Variants in NFIA observed in about 807,000 individuals in gnomAD.
NFIA encodes the protein nuclear factor I A, also known as nuclear factor 1 A-type.
In NFIA, 8 loss-of-function variants were observed where a neutral mutation model predicts 62.8. That is an observed-to-expected ratio of 0.13 (90% CI 0.07 to 0.23). The LOEUF (loss-of-function observed/expected upper bound fraction) is 0.23. Among genes scored for constraint, NFIA ranks in the 10% least tolerant of loss-of-function variants. NFIA has a pLI of 1.00. For missense variants in NFIA, 410 were observed against 642.1 expected, an observed-to-expected ratio of 0.64 and a Z score of 3.91; for synonymous variants, 235 against 238.1, an observed-to-expected ratio of 0.99 and a Z score of 0.12.
intron 3 of NFIA, among the ~76,000 whole-genome samples, chr1:61,328,104 A>T (rs1164449676): frequency 2.0e-5 from 3 of 148,236 alleles, no homozygotes; most frequent in African/African-American, 7.5e-5. Context: ...TTTTGCTGGG[A>T]TTTTTTTTTT....
chr1:61,283,360 C>T (rs1235451527), intron 3 of NFIA, among the ~76,000 whole-genome samples: 1 of 149,880 alleles, frequency 6.7e-6, no homozygotes, highest in African/African-American at 2.5e-5. Context: ...CACTTGAGGT[C>T]AGGAGTTCAA....
intron 2 of NFIA, among the ~76,000 whole-genome samples, chr1:61,155,028 T>C (rs1209729821): frequency 2.0e-5 from 3 of 152,282 alleles, no homozygotes; most frequent in Middle Eastern, 3.4e-3. Context: ...CACCTTGGAG[T>C]GGTTCCTTAA....
intron 2 of NFIA, among the ~76,000 whole-genome samples, chr1:61,100,466 C>T (rs1037389254): frequency 3.9e-5 from 6 of 152,150 alleles, no homozygotes; most frequent in African/African-American, 1.4e-4. Context: ...TACCTTGAGA[C>T]AAGTCAGTGC....
chr1:61,263,795 G>C lies in NFIA; in HGVS notation c.560-13725G>C, dbSNP rs558551491. Among the ~76,000 whole-genome samples the C allele has an allele frequency of 3.1e-3, 476 of 152,230 alleles. 1 individual carries two copies. Among genetic ancestry groups the C allele is most frequent in the Non-Finnish European group, 5.1e-3 (344 of 68,030 alleles). Reference sequence around the variant, plus strand: ...GGATCACTTGAGGCCAGGAAGTCAAGACAAGCCTGGCCAACGTAGCCCTGT... The same window carrying C: ...GGATCACTTGAGGCCAGGAAGTCAACACAAGCCTGGCCAACGTAGCCCTGT... On this transcript the variant is annotated intron_variant, in intron 2 of 10. Coordinates refer to ENST00000403491, the MANE Select transcript of NFIA (RefSeq NM_001134673.4).
At chr1:61,413,666 A>C (rs1666214606) in intron 9 of NFIA, among the ~76,000 whole-genome samples, 1 of 114,214 alleles carries the variant, frequency 8.8e-6, no homozygotes. Context: ...TCGCTTGGTC[A>C]CCCAGGCTGG....
intron 2 of NFIA, among the ~76,000 whole-genome samples, chr1:61,092,829 C>A (rs965800385): frequency 1.3e-5 from 2 of 152,148 alleles, no homozygotes; most frequent in Non-Finnish European, 2.9e-5. Context: ...AATTCACTTC[C>A]TACTGCTTCA....
chr1:61,215,243 T>G (rs1410717239), intron 2 of NFIA, among the ~76,000 whole-genome samples: 1 of 152,200 alleles, frequency 6.6e-6, no homozygotes, highest in African/African-American at 2.4e-5. Context: ...TCTAAAATCT[T>G]TCATGCAACT....
rs140351591 is a variant in NFIA at position 61,208,366 on chromosome 1, G to A, written c.560-69154G>A. 2.4e-3 allele frequency among the ~76,000 whole-genome samples: 362 copies of A among 152,264 alleles called. 1 individual carries two copies. The highest frequency in any genetic ancestry group is 0.01 in the Middle Eastern group (3 of 294). On this transcript the variant is annotated intron_variant, in intron 2 of 10. Transcript: ENST00000403491. ...GGCAGAGTGAGCTCAGAAGAGGAAG[G>A]GAAATATGTAGTGTTTTAAGAGCAT...
At chr1:61,394,680 CCT>C (rs150807171) in intron 7 of NFIA, among the ~76,000 whole-genome samples, 2,489 of 152,228 alleles carry the variant, frequency 0.016, 30 homozygotes, top group Non-Finnish European at 0.024. Flanking sequence ...AACTTGGTAC[CCT>C]GACTTTAATC....
chr1:61,189,306 C>T (rs533740751), intron 2 of NFIA, among the ~76,000 whole-genome samples: 2 of 152,242 alleles, frequency 1.3e-5, no homozygotes, highest in South Asian at 2.1e-4. Flanking sequence ...CTGTTCTGCT[C>T]TGCTTGGATT....
At chr1:61,348,477 A>T (rs374271209) in intron 4 of NFIA, among the ~76,000 whole-genome samples, 106 of 152,292 alleles carry the variant, frequency 7.0e-4, no homozygotes, top group African/African-American at 2.4e-3. Context: ...GTGCCAGGCC[A>T]CCTGGTGCCA....
chr1:61,085,340 A>G (rs769420252), intron 1 of NFIA, among the ~76,000 whole-genome samples: 1 of 152,232 alleles, frequency 6.6e-6, no homozygotes, highest in Non-Finnish European at 1.5e-5. Context: ...AAATATCAGC[A>G]TTCAGTGGTT....
At chr1:61,267,635 C>G (rs527350487) in intron 2 of NFIA, among the ~76,000 whole-genome samples, 19 of 152,308 alleles carry the variant, frequency 1.2e-4, no homozygotes, top group African/African-American at 4.6e-4. Context: ...AGAGCTAACC[C>G]TAACCACTAC....
intron 7 of NFIA, among the ~76,000 whole-genome samples, chr1:61,395,289 T>TG (rs202238675): frequency 0.22 from 29,344 of 134,358 alleles, 3,138 homozygotes; most frequent in East Asian, 0.42. Flanking sequence ...TGTGTGTGTG[T>TG]TTTTTTTTTT....
chr1:61,460,178 T>C lies in NFIA; in HGVS notation c.*4858T>C, dbSNP rs565873026. 6.6e-6 allele frequency: 1 copy of C among 152,336 alleles called. No homozygotes were observed. The highest frequency in any genetic ancestry group is 1.9e-4 in the East Asian group (1 of 5,190). 9.4% of individuals were successfully genotyped at this position (152,336 alleles called of 1,614,324 possible). A position where few individuals can be genotyped will look rare whatever the true frequency, so the allele number is the denominator to read the frequency against. On this transcript the variant is annotated 3_prime_UTR_variant, in exon 11 of 11. Transcript: ENST00000403491. ...CCAATTCTGTCTTGAAGTCAATGCA[T>C]GTATTTACTGTTTGACAGTAAACCC...
intron 10 of NFIA, 76 bp downstream of exon 10, chr1:61,426,632 A>C: frequency 1.2e-6 from 1 of 843,928 alleles, no homozygotes; most frequent in South Asian, 1.7e-5. Context: ...TGTCTTTTGC[A>C]CAAAAGGCCA....
chr1:61,257,371 T>TCTGTCACC (rs1343506903), intron 2 of NFIA, among the ~76,000 whole-genome samples: 1 of 121,678 alleles, frequency 8.2e-6, no homozygotes, highest in Non-Finnish European at 1.6e-5. Flanking sequence ...AGAGTCTCCC[T>TCTGTCACC]CTGTCACCCA....
intron 2 of NFIA, among the ~76,000 whole-genome samples, chr1:61,200,824 T>C (rs1388600063): frequency 6.6e-6 from 1 of 152,242 alleles, no homozygotes; most frequent in Admixed American, 6.5e-5. Context: ...GCTAATAATA[T>C]TTCTAACTGT....
intron 3 of NFIA, among the ~76,000 whole-genome samples, chr1:61,312,145 G>A (rs1250874758): frequency 6.6e-6 from 1 of 152,220 alleles, no homozygotes; most frequent in Non-Finnish European, 1.5e-5. Context: ...AAGCTTATAT[G>A]CCTGTAATGA....
Sources: allele counts gnomAD v4.1 joint callset (sites outside exome capture counted in the v4.1 genomes callset), GRCh38; gene constraint gnomAD v4.1.1; transcripts MANE v1.5; gene names NCBI Gene and HGNC (gene_info 2026-07-23, HGNC 2026-07-21).